The following CFAP69 variants were observed in gnomAD, a reference collection of about 807,000 sequenced individuals.
The protein encoded by CFAP69 is cilia and flagella associated protein 69.
Under a neutral mutation model 123.0 loss-of-function variants are expected in CFAP69, and 92 were observed. The observed-to-expected ratio is 0.75, with a 90% CI of 0.63 to 0.89. CFAP69 has a LOEUF of 0.89. Ranked by LOEUF, CFAP69 falls within the 40% of genes least tolerant of loss-of-function variation. The pLI is 0.00. For synonymous variants in CFAP69, 380 were observed against 364.3 expected (o/e 1.04, Z -0.49); for missense variants, 1,067 against 1,096.9 (o/e 0.97, Z 0.39).
At chr7:90,300,424 A>G (rs1792620143) in intron 17 of CFAP69, 1 of 851,000 alleles carries the variant, frequency 1.2e-6, no homozygotes, top group African/African-American at 1.8e-5. Flanking sequence ...GGTATTTTAT[A>G]CATTTCTGTT....
intron 17 of CFAP69, chr7:90,303,763 T>C: frequency 8.7e-7 from 1 of 1,146,634 alleles, no homozygotes; most frequent in Non-Finnish European, 1.1e-6. Context: ...ACAATAAAAA[T>C]GAAGGCTCTA....
intron 11 of CFAP69, among the ~76,000 whole-genome samples, chr7:90,278,731 A>G (rs143979512): frequency 1.5e-3 from 223 of 152,238 alleles, no homozygotes; most frequent in African/African-American, 4.6e-3. Context: ...TTTGTGGTCC[A>G]GTAATATTAC....
intron 1 of CFAP69, among the ~76,000 whole-genome samples, chr7:90,254,121 A>G (rs536849127): frequency 1.3e-5 from 2 of 152,064 alleles, no homozygotes; most frequent in Non-Finnish European, 2.9e-5. Flanking sequence ...TGTTCTTGGT[A>G]CCTTTGTCAA....
At chr7:90,304,538 A>C in intron 18 of CFAP69, 2 of 1,334,510 alleles carry the variant, frequency 1.5e-6, no homozygotes, top group Non-Finnish European at 1.9e-6. Flanking sequence ...ATGACCTGGC[A>C]GAAATGTGTT....
rs930615651 is a variant in CFAP69 at position 90,245,206 on chromosome 7, C to G, written c.-219C>G. On this transcript the variant is annotated 5_prime_UTR_variant, in exon 1 of 23. Transcript: ENST00000389297. ...CGCTGGCTTGTGTTAACAACCGGCC[C>G]GGGATCAGAGGTCTGGGTCAACTGG... 16 of 483,276 alleles carry G rather than the reference C, an allele frequency of 3.3e-5. No individual in the cohort carries two copies. Among genetic ancestry groups the G allele is most frequent in the Non-Finnish European group, 4.7e-5 (14 of 297,400 alleles). 29.9% of individuals were successfully genotyped at this position (483,276 alleles called of 1,614,324 possible). A position where few individuals can be genotyped will look rare whatever the true frequency, so the allele number is the denominator to read the frequency against.
In CFAP69 at chr7:90,300,197, T is replaced by C. The variant is rs1388203075; in HGVS notation, c.2050+138T>C. 10 of 1,183,916 alleles carry C rather than the reference T, an allele frequency of 8.4e-6. No homozygotes were observed. The South Asian group carries it at 1.2e-4, about 14-fold the overall frequency. 73.3% of individuals were successfully genotyped at this position (1,183,916 alleles called of 1,614,324 possible). A position where few individuals can be genotyped will look rare whatever the true frequency, so the allele number is the denominator to read the frequency against. On this transcript the variant is annotated intron_variant, in intron 17 of 22. Transcript: ENST00000389297. Reference sequence around the variant, plus strand: ...TTTTTTTTTACAAGGGTTTGAAAAATTTGCTATCCTAAGTGACTGGAAGAA... The same window carrying C: ...TTTTTTTTTACAAGGGTTTGAAAAACTTGCTATCCTAAGTGACTGGAAGAA...
At chr7:90,321,619 C>T in the CFAP69 span, among the ~76,000 whole-genome samples, 2 of 152,334 alleles carry the variant, frequency 1.3e-5, no homozygotes, top group Admixed American at 1.3e-4. Flanking sequence ...TCCCTCCGCC[C>T]ACCCATGCTC....
chr7:90,271,815 A>T lies in CFAP69; in HGVS notation c.717A>T (p.Ala239=), dbSNP rs1162125930. ...GTACTATAATGATGAAAGCACAAGC[A>T]GCCAGTGGAATCTGTACTCACCTCA... ...VNCTIMMKAQ[A]ASGICTHLND... is the part of the protein sequence containing the mutation. Residue 239 remains alanine, a synonymous_variant, in exon 8 of 23, where the codon GCA becomes GCT. Transcript: ENST00000389297. 1.3e-6 allele frequency: 2 copies of T among 1,586,466 alleles called. No individual in the cohort carries two copies. The highest frequency in any genetic ancestry group is 1.7e-6 in the Non-Finnish European group (2 of 1,165,736).
chr7:90,246,412 C>G (rs1796330524), intron 1 of CFAP69, among the ~76,000 whole-genome samples: 1 of 152,226 alleles, frequency 6.6e-6, no homozygotes, highest in Non-Finnish European at 1.5e-5. Context: ...TGAGGCTTCT[C>G]AAATCTCAGG....
downstream of CFAP69, among the ~76,000 whole-genome samples, chr7:90,315,074 G>C (rs1794667588): frequency 6.7e-6 from 1 of 148,710 alleles, no homozygotes; most frequent in South Asian, 2.3e-4. Flanking sequence ...ACACCAGTCA[G>C]AATGACTGTT....
chr7:90,273,015 T>C (rs1800180755), intron 8 of CFAP69, among the ~76,000 whole-genome samples: 1 of 152,150 alleles, frequency 6.6e-6, no homozygotes, highest in African/African-American at 2.4e-5. Context: ...ATAAGAATGC[T>C]GTTCTTATAA....
At chr7:90,311,570 C>T (rs1037053520), downstream of CFAP69, among the ~76,000 whole-genome samples, 1 of 152,180 alleles carries the variant, frequency 6.6e-6, no homozygotes, top group Non-Finnish European at 1.5e-5. Context: ...GCTCTATCAC[C>T]TCAATGTACC....
At chr7:90,299,323 G>C (rs77309920) in intron 16 of CFAP69, among the ~76,000 whole-genome samples, 1 of 152,046 alleles carries the variant, frequency 6.6e-6, no homozygotes, top group Non-Finnish European at 1.5e-5. Flanking sequence ...TTTATAATAG[G>C]AGAATTTTTT....
intron 9 of CFAP69, among the ~76,000 whole-genome samples, chr7:90,275,445 T>C (rs1247868271): frequency 1.3e-5 from 2 of 152,258 alleles, no homozygotes; most frequent in East Asian, 3.9e-4. Context: ...TCTGGCTCTC[T>C]CCTTTATGGG....
At position 90,310,195 on chromosome 7, in the gene CFAP69, C is replaced by G. The variant is rs1393151843; in HGVS notation, c.2783C>G (p.Ala928Gly). 1 of 1,613,776 alleles carries G rather than the reference C, an allele frequency of 6.2e-7. No individual in the cohort carries two copies. The highest frequency in any genetic ancestry group is 1.1e-5 in the South Asian group (1 of 91,078). ...IRGGALQRVK[A>G]VKIVDAPKKS... ...GGAGGAGCCTTGCAGAGGGTGAAAG[C>G]AGTTAAAATTGTGGATGCACCAAAA... The change falls in exon 23 of 23, where the codon GCA becomes GGA. Residue 928 changes from alanine (A) to glycine (G), a missense_variant. Coordinates refer to ENST00000389297, the MANE Select transcript of CFAP69 (RefSeq NM_001039706.3).
At chr7:90,318,329 T>C in the CFAP69 span, 1 of 91,466 alleles carries the variant, frequency 1.1e-5, no homozygotes, top group Non-Finnish European at 2.1e-5. Flanking sequence ...AATTGTACTT[T>C]ACTGAAATGA....
intron 9 of CFAP69, among the ~76,000 whole-genome samples, chr7:90,274,321 A>G (rs1177119351): frequency 1.3e-5 from 2 of 152,178 alleles, no homozygotes; most frequent in Non-Finnish European, 2.9e-5. Flanking sequence ...TGTGTGATTT[A>G]TACATGTATT....
intron 17 of CFAP69, 62 bp from the exon 18 acceptor site, chr7:90,303,907 A>G (rs1382905634): frequency 6.9e-7 from 1 of 1,441,944 alleles, no homozygotes; most frequent in Non-Finnish European, 9.2e-7. Flanking sequence ...CTCAAAATTA[A>G]GTATTTGTTT....
At chr7:90,302,126 T>A (rs1792900262) in intron 17 of CFAP69, 1 of 152,256 alleles carries the variant, frequency 6.6e-6, no homozygotes, top group African/African-American at 2.4e-5. Context: ...TGACTTCTTT[T>A]GAAAAGTGTC....
Sources: gnomAD v4.1 joint callset for allele counts (sites outside exome capture counted in the v4.1 genomes callset) on GRCh38, gnomAD v4.1.1 for gene constraint, MANE v1.5 for transcripts, NCBI Gene and HGNC (gene_info 2026-07-23, HGNC 2026-07-21) for gene names.